Variants in MACROD2 observed in about 807,000 individuals in gnomAD.
The protein encoded by MACROD2 is ADP-ribose glycohydrolase MACROD2.
In MACROD2, 36 loss-of-function variants were observed where a neutral mutation model predicts 70.4. The ratio of observed to expected loss-of-function variants is 0.51; its 90% confidence interval spans 0.39 to 0.68. MACROD2 has a LOEUF of 0.68. MACROD2 is among the 30% of genes least tolerant of loss of function. The pLI, the probability that MACROD2 is intolerant of heterozygous loss-of-function variation, is 0.00. For missense variants in MACROD2, 496 were observed against 538.4 expected, an observed-to-expected ratio of 0.92 and a Z score of 0.78; for synonymous variants, 172 against 178.8, an observed-to-expected ratio of 0.96 and a Z score of 0.30.
intron 5 of MACROD2, among the ~76,000 whole-genome samples, chr20:14,810,801 AAC>A (rs1235887816): frequency 6.6e-6 from 1 of 152,128 alleles, no homozygotes. Context: ...ATAGTAGACA[AAC>A]AGAGAGCCAA....
At chr20:15,653,031 A>G (rs2049669248) in intron 8 of MACROD2, among the ~76,000 whole-genome samples, 1 of 152,214 alleles carries the variant, frequency 6.6e-6, no homozygotes. Context: ...AGTAGGAAAG[A>G]TCTAAAAGAT....
chr20:15,808,837 G>A (rs1382478088), intron 8 of MACROD2, among the ~76,000 whole-genome samples: 1 of 152,166 alleles, frequency 6.6e-6, no homozygotes, highest in East Asian at 1.9e-4. Context: ...ATTGGCTTGG[G>A]TAGAAGAATT....
intron 5 of MACROD2, among the ~76,000 whole-genome samples, chr20:15,103,340 AT>A (rs952950201): frequency 1.1e-4 from 16 of 151,952 alleles, no homozygotes; most frequent in Admixed American, 4.6e-4. Flanking sequence ...AAAAAGGGCC[AT>A]TTTTTTTCAT....
At chr20:15,404,535 T>C (rs889140973) in intron 6 of MACROD2, among the ~76,000 whole-genome samples, 4 of 152,212 alleles carry the variant, frequency 2.6e-5, no homozygotes, top group African/African-American at 9.6e-5. Context: ...CACTGCAACC[T>C]CTGGGCCAAG....
At chr20:15,681,268 T>C (rs1600752576) in intron 8 of MACROD2, among the ~76,000 whole-genome samples, 1 of 152,226 alleles carries the variant, frequency 6.6e-6, no homozygotes, top group African/African-American at 2.4e-5. Context: ...TGGATAATTT[T>C]ATCTCTCTTA....
rs779203561 is a variant in MACROD2 at position 14,787,919 on chromosome 20, A to G, written c.418+102960A>G. Among the ~76,000 whole-genome samples, 5 of 152,108 alleles carry G rather than the reference A, an allele frequency of 3.3e-5. 1 individual carries two copies. The highest frequency in any genetic ancestry group is 7.3e-5 in the Non-Finnish European group (5 of 68,040). ...AGCACTTGATTGGGAATAAGACAGC[A>G]CATTTCTAAGATCTCTTTACTATAT... On this transcript the variant is annotated intron_variant, in intron 5 of 17. Coordinates refer to ENST00000684519, the MANE Select transcript of MACROD2 (RefSeq NM_001351661.2).
chr20:15,132,204 T>C (rs1358384193), intron 5 of MACROD2, among the ~76,000 whole-genome samples: 2 of 151,878 alleles, frequency 1.3e-5, no homozygotes, highest in Non-Finnish European at 2.9e-5. Context: ...AAATAACATA[T>C]CTAAAATGAA....
At chr20:14,795,674 G>A (rs985125106) in intron 5 of MACROD2, among the ~76,000 whole-genome samples, 24 of 152,114 alleles carry the variant, frequency 1.6e-4, no homozygotes, top group African/African-American at 5.6e-4. Context: ...CAAGGCCAGT[G>A]ATAGGAATTA....
At chr20:14,942,200 T>C (rs1400820531) in intron 5 of MACROD2, among the ~76,000 whole-genome samples, 1 of 152,118 alleles carries the variant, frequency 6.6e-6, no homozygotes, top group Non-Finnish European at 1.5e-5. Context: ...ATATCTGATA[T>C]CAATCATTTT....
chr20:14,711,992 G>A (rs902957998), intron 5 of MACROD2, among the ~76,000 whole-genome samples: 9 of 152,018 alleles, frequency 5.9e-5, no homozygotes, highest in East Asian at 1.9e-4. Flanking sequence ...CACATCAGAG[G>A]TTTAATGAAA....
chr20:14,236,896 G>C (rs2081878992), intron 3 of MACROD2, among the ~76,000 whole-genome samples: 1 of 151,968 alleles, frequency 6.6e-6, no homozygotes, highest in South Asian at 2.1e-4. Context: ...AAATTTCTAT[G>C]ATAAATATTT....
At chr20:15,628,280 A>G (rs1007485406) in intron 8 of MACROD2, among the ~76,000 whole-genome samples, 4 of 152,264 alleles carry the variant, frequency 2.6e-5, no homozygotes, top group African/African-American at 9.6e-5. Context: ...TATCAACCAA[A>G]TAAATAGGTC....
intron 3 of MACROD2, among the ~76,000 whole-genome samples, chr20:14,236,444 G>T (rs868140636): frequency 2.0e-5 from 3 of 151,140 alleles, no homozygotes; most frequent in Admixed American, 1.3e-4. Context: ...TATACTCTTC[G>T]CTTAATACCT....
chr20:14,927,420 C>A (rs775434676), intron 5 of MACROD2, among the ~76,000 whole-genome samples: 6 of 152,170 alleles, frequency 3.9e-5, no homozygotes, highest in Non-Finnish European at 7.4e-5. Context: ...CTATTACCCA[C>A]ATATTGTCAC....
At chr20:15,761,714 CT>C (rs1325341363) in intron 8 of MACROD2, among the ~76,000 whole-genome samples, 1 of 152,198 alleles carries the variant, frequency 6.6e-6, no homozygotes, top group Non-Finnish European at 1.5e-5. Flanking sequence ...AGCTAGAGCG[CT>C]TTTCCCCAAA....
chr20:15,319,202 TTTC>T (rs1231126524), intron 6 of MACROD2, among the ~76,000 whole-genome samples: 2 of 152,124 alleles, frequency 1.3e-5, no homozygotes, highest in Non-Finnish European at 2.9e-5. Flanking sequence ...AGAATATACT[TTTC>T]TTTAGAATAA....
chr20:14,278,940 C>T (rs974875367), intron 3 of MACROD2, among the ~76,000 whole-genome samples: 1 of 152,038 alleles, frequency 6.6e-6, no homozygotes, highest in Non-Finnish European at 1.5e-5. Context: ...TAAATGAAGT[C>T]ATTGTTACTA....
intron 5 of MACROD2, among the ~76,000 whole-genome samples, chr20:15,121,880 T>C (rs6131640): frequency 0.088 from 13,450 of 152,184 alleles, 1,059 homozygotes; most frequent in East Asian, 0.43. Flanking sequence ...TAGGTTAGGA[T>C]GTTGCTACAT....
chr20:15,888,935 C>T (rs1393291452), intron 10 of MACROD2, among the ~76,000 whole-genome samples: 1 of 152,136 alleles, frequency 6.6e-6, no homozygotes, highest in Non-Finnish European at 1.5e-5. Context: ...TTAACTGCTG[C>T]CTTTCCCCCG....
Sources: allele counts gnomAD v4.1 joint callset (sites outside exome capture counted in the v4.1 genomes callset), GRCh38; gene constraint gnomAD v4.1.1; transcripts MANE v1.5; gene names NCBI Gene and HGNC (gene_info 2026-07-23, HGNC 2026-07-21).